Variants in MEIS3 observed in about 807,000 individuals in gnomAD.
MEIS3 encodes homeobox protein Meis3.
MEIS3 carries 38 observed loss-of-function variants against 51.4 expected under a neutral mutation model. The ratio of observed to expected loss-of-function variants is 0.74; its 90% CI spans 0.57 to 0.97. The LOEUF (loss-of-function observed/expected upper bound fraction) is 0.97, where lower values mean the gene tolerates loss of function less well. Among genes scored for constraint, MEIS3 ranks in the 50% least tolerant of loss-of-function variants. MEIS3 has a pLI of 0.00. For missense variants in MEIS3, 456 were observed against 502.6 expected, an observed-to-expected ratio of 0.91 and a Z score of 0.89; for synonymous variants, 198 against 201.8, an observed-to-expected ratio of 0.98 and a Z score of 0.16.
At position 47,419,114 on chromosome 19, in the gene MEIS3, C is replaced by A; in HGVS notation, c.-33G>T. 1 of 1,232,076 alleles carries A rather than the reference C, an allele frequency of 8.1e-7. No homozygotes were observed. Among genetic ancestry groups the A allele is most frequent in the Non-Finnish European group, 1.0e-6 (1 of 987,966 alleles). The allele number at this position is 1,232,076 out of a possible 1,614,324, so 76.3% of individuals were successfully genotyped here. A position where few individuals can be genotyped will look rare whatever the true frequency, so the allele number is the denominator to read the frequency against. On this transcript the variant is annotated 5_prime_UTR_variant, in exon 1 of 13. Transcript: ENST00000558555. ...GGCCGGCGGCAGCTCCTGGGTCCCT[C>A]CAGAGCCTGGCCGCGGGGGAGGGCG...
rs148464543 is a variant in MEIS3, at chr19:47,406,900, C to T, written c.1066G>A (p.Val356Ile). 3.4e-4 allele frequency: 534 copies of T among 1,573,778 alleles called. No homozygotes were observed. The highest frequency in any genetic ancestry group is 4.9e-4 in the East Asian group (21 of 43,172). ...GGGCGAGGCTTACCCGGAGGCCGGA[C>T]GGCCACGTGTGGCTGCGTCTCGGTA... ...GYTETQPHVA[V>I]RPPGSVGMSL... Residue 356 changes from valine (V) to isoleucine (I), a missense_variant, in exon 11 of 13, where the codon GTC (valine) becomes ATC (isoleucine). By Grantham distance (29) the Val-to-Ile change is conservative. Coordinates refer to ENST00000558555, the MANE Select transcript of MEIS3 (RefSeq NM_001301059.2).
chr19:47,411,382 A>C (rs1971123902), intron 6 of MEIS3, among the ~76,000 whole-genome samples: 1 of 148,398 alleles, frequency 6.7e-6, no homozygotes, highest in Admixed American at 6.8e-5. Context: ...GGAATAAATA[A>C]AGGCTATAAA....
rs1178810469 is a variant in MEIS3, at chr19:47,415,036, G to A, written c.447+15C>T. The A allele has an allele frequency of 3.9e-6, 6 of 1,557,736 alleles. No homozygotes were observed. Among genetic ancestry groups the A allele is most frequent in the Non-Finnish European group, 5.2e-6 (6 of 1,151,348 alleles). On this transcript the variant is annotated intron_variant, in intron 5 of 12. Transcript: ENST00000558555. Reference sequence around the variant, plus strand: ...CAGGGGCAAGTGAGGGTGTGGGGAGGTGAGACGCGCTCACCTTCTCCAGCT... The same window carrying A: ...CAGGGGCAAGTGAGGGTGTGGGGAGATGAGACGCGCTCACCTTCTCCAGCT...
At chr19:47,407,038 C>A in intron 10 of MEIS3, 41 bp downstream of exon 10, 1 of 1,593,768 alleles carries the variant, frequency 6.3e-7, no homozygotes, top group Non-Finnish European at 8.5e-7. Context: ...TGACGCCCTC[C>A]TAAGAACCCC....
chr19:47,417,435 A>G (rs773189598), intron 1 of MEIS3, 85 bp from the exon 2 acceptor site: 8 of 1,478,384 alleles, frequency 5.4e-6, no homozygotes, highest in African/African-American at 1.4e-5. Context: ...TCTATCCTGG[A>G]ACCCAGGAGA....
At chr19:47,420,819 C>T (rs945698816), upstream of MEIS3, among the ~76,000 whole-genome samples, 2 of 150,986 alleles carry the variant, frequency 1.3e-5, no homozygotes, top group Non-Finnish European at 3.0e-5. Flanking sequence ...GGGGAGGCTC[C>T]GGCTTTCTGA....
At chr19:47,415,697 C>T (rs1971378584) in intron 4 of MEIS3, among the ~76,000 whole-genome samples, 1 of 151,588 alleles carries the variant, frequency 6.6e-6, no homozygotes, top group South Asian at 2.1e-4. Flanking sequence ...CCTCAGCCTC[C>T]TGAGTAGCTG....
At chr19:47,404,468 C>A (rs1970727592) in intron 12 of MEIS3, among the ~76,000 whole-genome samples, 2 of 152,282 alleles carry the variant, frequency 1.3e-5, no homozygotes, top group South Asian at 4.1e-4. Context: ...TCATTAGCCA[C>A]CTGTCCGGCC....
chr19:47,405,411 A>C (rs1970767229), intron 12 of MEIS3, among the ~76,000 whole-genome samples: 1 of 152,146 alleles, frequency 6.6e-6, no homozygotes, highest in Non-Finnish European at 1.5e-5. Flanking sequence ...CCCCAGAGAT[A>C]GCTGATGACT....
chr19:47,417,411 G>A (rs771984544), intron 1 of MEIS3, 61 bp from the exon 2 acceptor site: 31 of 1,585,950 alleles, frequency 2.0e-5, no homozygotes, highest in Admixed American at 5.1e-5. Context: ...CCCGAGACTC[G>A]GCTGAGGAGC....
Position 47,404,527 on chromosome 19 carries a change from G to A in MEIS3, c.*18-974C>T, listed in dbSNP as rs544436234. On this transcript the variant is annotated intron_variant, in intron 12 of 12. Coordinates refer to ENST00000558555, the MANE Select transcript of MEIS3 (RefSeq NM_001301059.2). The stretch of plus-strand genomic sequence containing the variant: ...AGAACTTCCTCCTTGTGTGTAGGGG[G>A]CTGGGGCTGTCTCACAGCCACGAGA... 5.5e-4 allele frequency among the ~76,000 whole-genome samples: 83 copies of A among 152,206 alleles called. 1 individual carries two copies. The highest frequency in any genetic ancestry group is 2.3e-3 in the Admixed American group (35 of 15,288).
intron 2 of MEIS3, 89 bp from the exon 3 acceptor site, chr19:47,417,052 C>G: frequency 3.3e-6 from 5 of 1,531,104 alleles, no homozygotes; most frequent in Non-Finnish European, 4.4e-6. Flanking sequence ...GGGGAGGGGA[C>G]AAGAGACCCA....
chr19:47,414,610 G>C, intron 6 of MEIS3, 107 bp downstream of exon 6: 1 of 1,331,458 alleles, frequency 7.5e-7, no homozygotes, highest in Non-Finnish European at 1.0e-6. Flanking sequence ...CTGTGATCAG[G>C]CTGACTGTGG....
upstream of MEIS3, among the ~76,000 whole-genome samples, chr19:47,420,902 T>TCA (rs1306093436): frequency 1.7e-4 from 15 of 88,280 alleles, no homozygotes; most frequent in Admixed American, 5.5e-4. Flanking sequence ...GCTCTCTCTC[T>TCA]CTCTCTCTCA....
chr19:47,409,376 A>G, intron 7 of MEIS3, 60 bp downstream of exon 7: 1 of 1,576,762 alleles, frequency 6.3e-7, no homozygotes. Context: ...CTTACTTGCG[A>G]TCTAACTTCA....
chr19:47,406,189 G>A (rs1004404876), intron 12 of MEIS3: 2 of 348,216 alleles, frequency 5.7e-6, no homozygotes, highest in South Asian at 5.1e-5. Context: ...GATGGATTGC[G>A]GGTGAATGAG....
In MEIS3 at chr19:47,416,669, G is replaced by C. The variant is rs1296817253; in HGVS notation, c.379C>G (p.Pro127Ala). 2.6e-6 allele frequency: 4 copies of C among 1,553,082 alleles called. No homozygotes were observed. The highest frequency in any genetic ancestry group is 3.5e-6 in the Non-Finnish European group (4 of 1,148,170). The change falls in exon 4 of 13, where the codon CCA becomes GCA. Residue 127 changes from proline to alanine, a missense_variant. Coordinates refer to ENST00000558555, the MANE Select transcript of MEIS3 (RefSeq NM_001301059.2). Reference protein sequence around the residue: ...RSERPLFSSNPELDNLMIQAI... With the variant: ...RSERPLFSSNAELDNLMIQAI... ...GGTCTCACCAGATTGTCCAGTTCTGGGTTGGAGGAGAAGAGGGGCCTCTCA... is the reference window on the plus strand; with the variant it reads ...GGTCTCACCAGATTGTCCAGTTCTGCGTTGGAGGAGAAGAGGGGCCTCTCA...
At chr19:47,405,296 A>G (rs1319700667) in intron 12 of MEIS3, among the ~76,000 whole-genome samples, 1 of 152,192 alleles carries the variant, frequency 6.6e-6, no homozygotes, top group African/African-American at 2.4e-5. Flanking sequence ...GGAAAGTCAA[A>G]TAATGCCCCC....
Position 47,409,199 on chromosome 19 carries a change from T to C in MEIS3, c.758A>G (p.Asp253Gly). 1 of 1,613,394 alleles carries C rather than the reference T, an allele frequency of 6.2e-7. No individual in the cohort carries two copies. Among genetic ancestry groups the C allele is most frequent in the Non-Finnish European group, 8.5e-7 (1 of 1,179,986 alleles). Residue 253 changes from aspartate to glycine, a missense_variant, in exon 8 of 13, where the codon GAT becomes GGT. Coordinates refer to ENST00000558555, the MANE Select transcript of MEIS3 (RefSeq NM_001301059.2). ...CCGTCGCTCCTGGTCCAAGTCCTCA[T>C]CTTCTCCACCAGAACTGGGAGAGGC... ...SVASPSSGGEDEDLDQERRRN... is the reference protein window; with the variant it reads ...SVASPSSGGEGEDLDQERRRN...
Sources: allele counts gnomAD v4.1 joint callset (sites outside exome capture counted in the v4.1 genomes callset), GRCh38; gene constraint gnomAD v4.1.1; transcripts MANE v1.5; gene names NCBI Gene and HGNC (gene_info 2026-07-23, HGNC 2026-07-21).